The following C6orf89 variants were observed in gnomAD, a reference collection of about 807,000 sequenced individuals.
The protein encoded by C6orf89 is chromosome 6 open reading frame 89, also known as bombesin receptor-activated protein C6orf89.
In C6orf89, 29 loss-of-function variants were observed where a neutral mutation model predicts 40.7. The observed-to-expected ratio is 0.71, with a 90% CI of 0.53 to 0.97. The LOEUF (loss-of-function observed/expected upper bound fraction) is 0.97. Among genes scored for constraint, C6orf89 ranks in the 50% least tolerant of loss-of-function variants. The pLI, the probability that C6orf89 is intolerant of heterozygous loss-of-function variation, is 0.00. For synonymous variants in C6orf89, 165 were observed against 152.2 expected (o/e 1.08, Z -0.62); for missense variants, 392 against 429.1 (o/e 0.91, Z 0.76).
At chr6:36,897,953 T>C (rs1583164883) in intron 2 of C6orf89, among the ~76,000 whole-genome samples, 1 of 152,150 alleles carries the variant, frequency 6.6e-6, no homozygotes, top group Non-Finnish European at 1.5e-5. Flanking sequence ...AAAATAAATA[T>C]ATAAATAAAT....
At chr6:36,905,094 T>A (rs1761877792) in intron 4 of C6orf89, among the ~76,000 whole-genome samples, 1 of 152,222 alleles carries the variant, frequency 6.6e-6, no homozygotes, top group Non-Finnish European at 1.5e-5. Flanking sequence ...CTGACAGTTG[T>A]TTATTACTTA....
At position 36,927,451 on chromosome 6, in the gene C6orf89, T is replaced by A. The variant is rs927202950; in HGVS notation, c.*4010T>A. On this transcript the variant is annotated 3_prime_UTR_variant, in exon 9 of 9. Transcript: ENST00000480824. ...GGAGAAAGAGAGAGAAAGGCGCATGTCTGTTTGCACAGAGAGAGGCAATTT... is the reference window on the plus strand; with the variant it reads ...GGAGAAAGAGAGAGAAAGGCGCATGACTGTTTGCACAGAGAGAGGCAATTT... 6.6e-6 allele frequency: 1 copy of A among 152,222 alleles called. No homozygotes were observed. Among genetic ancestry groups the A allele is most frequent in the African/African-American group, 2.4e-5 (1 of 41,452 alleles). 9.4% of individuals were successfully genotyped at this position (152,222 alleles called of 1,614,324 possible).
intron 1 of C6orf89, among the ~76,000 whole-genome samples, chr6:36,886,530 A>T (rs1377017014): frequency 6.6e-6 from 1 of 152,218 alleles, no homozygotes; most frequent in Admixed American, 6.5e-5. Context: ...TCTTGACACA[A>T]GTAAAATAGT....
Position 36,889,143 on chromosome 6 carries a change from C to T in C6orf89, c.-120+3115C>T, listed in dbSNP as rs150884662. On this transcript the variant is annotated intron_variant, in intron 1 of 8. Transcript: ENST00000480824. ...ATAACTGGTGGATACCAGCAGAGAA[C>T]GAGAGAATTATGTTAAGGTTTGAGT... Among the ~76,000 whole-genome samples the T allele has an allele frequency of 8.5e-5, 13 of 152,076 alleles. No homozygotes were observed. In the East Asian group the frequency reaches 2.3e-3, roughly 27 times the overall value.
chr6:36,876,762 AG>A (rs575015555), intron 1 of C6orf89, among the ~76,000 whole-genome samples: 39 of 145,452 alleles, frequency 2.7e-4, no homozygotes, highest in African/African-American at 8.8e-4. Flanking sequence ...AAGAAGAAGA[AG>A]AAACACAGTT....
chr6:36,886,580 G>A (rs894930125), intron 1 of C6orf89, among the ~76,000 whole-genome samples: 1 of 152,148 alleles, frequency 6.6e-6, no homozygotes, highest in African/African-American at 2.4e-5. Flanking sequence ...ATTTGCCTGC[G>A]TCGTGTTTTG....
intron 3 of C6orf89, among the ~76,000 whole-genome samples, 162 bp downstream of exon 3, chr6:36,899,795 T>C (rs1164259530): frequency 1.3e-5 from 2 of 152,242 alleles, no homozygotes; most frequent in African/African-American, 4.8e-5. Context: ...AATTTGACTG[T>C]GTTGTTAAAG....
At chr6:36,911,976 A>T (rs953871307) in intron 4 of C6orf89, among the ~76,000 whole-genome samples, 12 of 143,220 alleles carry the variant, frequency 8.4e-5, no homozygotes, top group African/African-American at 3.0e-4. Flanking sequence ...AAACCAAAAT[A>T]TAACCAGATC....
intron 3 of C6orf89, among the ~76,000 whole-genome samples, chr6:36,900,640 C>T (rs1453743639): frequency 2.0e-5 from 3 of 151,834 alleles, no homozygotes; most frequent in Non-Finnish European, 2.9e-5. Context: ...CCTAGGACCA[C>T]AGGCATGTGC....
rs9688865 is a variant in C6orf89, at chr6:36,905,459, T to C, written c.403+3025T>C. Among the ~76,000 whole-genome samples, 787 of 152,340 alleles carry C rather than the reference T, an allele frequency of 5.2e-3. 7 individuals are homozygous for C. Among genetic ancestry groups the C allele is most frequent in the African/African-American group, 0.016 (676 of 41,572 alleles). The stretch of plus-strand genomic sequence containing the variant: ...TAGTCCCTGAAGAGACAATATTCTT[T>C]CTGGCTGTTCCAAAGATAAGTGGTC... On this transcript the variant is annotated intron_variant, in intron 4 of 8. Transcript: ENST00000480824.
At position 36,914,302 on chromosome 6, in the gene C6orf89, C is replaced by T; in HGVS notation, c.422C>T (p.Thr141Ile). The change falls in exon 5 of 9, where the codon ACA (threonine) becomes ATA (isoleucine). Residue 141 changes from threonine (T) to isoleucine (I), a missense_variant. By Grantham distance (89) the Thr-to-Ile change is moderately conservative. Transcript: ENST00000480824. ...CTCTCAGACTTTGACCCCTGGTGGA[C>T]AAACGACTGTGAGCAGAATGAGTCA... is the stretch of plus-strand genomic sequence containing the variant. ...RPFPDFDPWWTNDCEQNESEP... is the reference protein window; with the variant it reads ...RPFPDFDPWWINDCEQNESEP... 1 of 1,613,846 alleles carries T rather than the reference C, an allele frequency of 6.2e-7. No homozygotes were observed. The highest frequency in any genetic ancestry group is 1.1e-5 in the South Asian group (1 of 91,058).
At chr6:36,880,725 G>A (rs1202108583) in intron 2 of C6orf89, among the ~76,000 whole-genome samples, 1 of 152,028 alleles carries the variant, frequency 6.6e-6, no homozygotes, top group Non-Finnish European at 1.5e-5. Flanking sequence ...TAAGGCCTGG[G>A]GATATATGGA....
Position 36,902,318 on chromosome 6 carries a change from C to G in C6orf89, c.287C>G (p.Thr96Ser), listed in dbSNP as rs763709368. 2 of 1,614,188 alleles carry G rather than the reference C, an allele frequency of 1.2e-6. No homozygotes were observed. Among genetic ancestry groups the G allele is most frequent in the Non-Finnish European group, 1.7e-6 (2 of 1,180,036 alleles). ...APEPVLSGAH[T>S]WRSLIHHIRL... ...GAGCCAGTGCTTTCTGGAGCTCACA[C>G]CTGGCGCTCACTCATCCATCACATT... The change falls in exon 4 of 9, where the codon ACC becomes AGC. Residue 96 changes from threonine (T) to serine (S), a missense_variant. By Grantham distance (58) the Thr-to-Ser change is moderately conservative. Coordinates refer to ENST00000480824, the MANE Select transcript of C6orf89 (RefSeq NM_001286635.2).
intron 2 of C6orf89, among the ~76,000 whole-genome samples, chr6:36,895,902 T>C (rs1354309838): frequency 1.3e-5 from 2 of 152,244 alleles, no homozygotes; most frequent in Non-Finnish European, 2.9e-5. Context: ...TAACTGTGTT[T>C]AACTCTTTGC....
intron 4 of C6orf89, among the ~76,000 whole-genome samples, chr6:36,911,805 A>G (rs1042402612): frequency 2.0e-5 from 3 of 152,154 alleles, no homozygotes; most frequent in Non-Finnish European, 4.4e-5. Flanking sequence ...AGAGGACAGT[A>G]TAGTGCAAAC....
chr6:36,892,353 C>G (rs1761238401), intron 1 of C6orf89, among the ~76,000 whole-genome samples: 1 of 152,128 alleles, frequency 6.6e-6, no homozygotes. Context: ...TTTAAAAGAG[C>G]TGGAGCCTCC....
upstream of C6orf89, among the ~76,000 whole-genome samples, chr6:36,881,380 T>C (rs1395964683): frequency 6.6e-6 from 1 of 152,144 alleles, no homozygotes; most frequent in Admixed American, 6.5e-5. Flanking sequence ...TTTATAAAAA[T>C]TAATTATAGG....
At chr6:36,898,925 G>C (rs1477334191) in intron 2 of C6orf89, among the ~76,000 whole-genome samples, 1 of 152,188 alleles carries the variant, frequency 6.6e-6, no homozygotes, top group African/African-American at 2.4e-5. Flanking sequence ...CAAGAACAAA[G>C]CTTATCAGCC....
At chr6:36,882,526 A>C (rs1774841350), upstream of C6orf89, among the ~76,000 whole-genome samples, 4 of 152,168 alleles carry the variant, frequency 2.6e-5, no homozygotes. Flanking sequence ...TTGTTATTAA[A>C]CGTTCTGGAA....
Sources: gnomAD v4.1 joint callset for allele counts (sites outside exome capture counted in the v4.1 genomes callset) on GRCh38, gnomAD v4.1.1 for gene constraint, MANE v1.5 for transcripts, NCBI Gene and HGNC (gene_info 2026-07-23, HGNC 2026-07-21) for gene names.